The following LRRK1 variants were observed in gnomAD, a reference collection of about 807,000 sequenced individuals.
The protein encoded by LRRK1 is leucine-rich repeat serine/threonine-protein kinase 1.
Under a neutral mutation model 209.1 loss-of-function variants are expected in LRRK1, and 113 were observed. The observed-to-expected ratio is 0.54, with a 90% CI of 0.46 to 0.63. The LOEUF (loss-of-function observed/expected upper bound fraction) is 0.63. LRRK1 is among the 30% of genes least tolerant of loss of function. LRRK1 has a pLI of 0.00. For missense variants in LRRK1, 2,284 were observed against 2,632.2 expected, an observed-to-expected ratio of 0.87 and a Z score of 2.89; for synonymous variants, 1,144 against 1,099.7, an observed-to-expected ratio of 1.04 and a Z score of -0.80.
intron 6 of LRRK1, among the ~76,000 whole-genome samples, chr15:101,004,292 C>T (rs566428734): frequency 1.0e-3 from 156 of 152,262 alleles, no homozygotes; most frequent in African/African-American, 3.5e-3. Context: ...AACTGGGGGG[C>T]TGTCAGGCTG....
At chr15:100,977,661 A>G (rs1431275548) in intron 3 of LRRK1, among the ~76,000 whole-genome samples, 1 of 152,160 alleles carries the variant, frequency 6.6e-6, no homozygotes, top group Non-Finnish European at 1.5e-5. Flanking sequence ...GTGTCAACTG[A>G]TTCTAAGTAC....
chr15:101,075,213 TA>T lies in LRRK1; in HGVS notation c.*6369del, dbSNP rs578144795. 2.4e-4 allele frequency: 10 copies of T among 40,962 alleles called. No homozygotes were observed. Among genetic ancestry groups the T allele is most frequent in the African/African-American group, 1.1e-3 (8 of 7,000 alleles). The allele number at this position is 40,962 out of a possible 1,614,324, so 2.5% of individuals were successfully genotyped here. On this transcript the variant is annotated 3_prime_UTR_variant, in exon 34 of 34. Transcript: ENST00000388948. ...TTGACAGCCAGGCTTCTAAACCTCTTAAAACTCCCCAACTCTGGTGCCAACT... is the reference window on the plus strand; with the variant it reads ...TTGACAGCCAGGCTTCTAAACCTCTTAAACTCCCCAACTCTGGTGCCAACT...
chr15:100,974,026 C>T lies in LRRK1; in HGVS notation c.261+59C>T, dbSNP rs981523280. 5.0e-6 allele frequency: 6 copies of T among 1,208,986 alleles called. No individual in the cohort carries two copies. The African/African-American group carries it at 7.8e-5, about 16-fold the overall frequency. The allele number at this position is 1,208,986 out of a possible 1,614,324, so 74.9% of individuals were successfully genotyped here. A position where few individuals can be genotyped will look rare whatever the true frequency, so the allele number is the denominator to read the frequency against. On this transcript the variant is annotated intron_variant, in intron 3 of 33. Coordinates refer to ENST00000388948, the MANE Select transcript of LRRK1 (RefSeq NM_024652.6). ...CAGCCCCGGGCTGGACGAAGGGGAC[C>T]GCTCAGATGATTTTCTCGTTATTGT...
At chr15:101,060,294 CA>C (rs2036085355) in intron 29 of LRRK1, among the ~76,000 whole-genome samples, 2 of 152,128 alleles carry the variant, frequency 1.3e-5, no homozygotes, top group South Asian at 4.1e-4. Context: ...TTGCAGGGAA[CA>C]GGGGCAATTA....
chr15:100,932,555 A>G (rs748207291), intron 2 of LRRK1, among the ~76,000 whole-genome samples: 35 of 152,186 alleles, frequency 2.3e-4, no homozygotes, highest in Non-Finnish European at 4.7e-4. Context: ...TGGCGGGATC[A>G]CAGAACAAGC....
At chr15:101,015,567 C>T (rs770340040) in intron 12 of LRRK1, among the ~76,000 whole-genome samples, 165 bp downstream of exon 12, 1 of 152,248 alleles carries the variant, frequency 6.6e-6, no homozygotes. Flanking sequence ...ATATGAGCTG[C>T]GCCCATTCTT....
chr15:101,006,014 A>G (rs2032932548), intron 6 of LRRK1, among the ~76,000 whole-genome samples: 1 of 152,252 alleles, frequency 6.6e-6, no homozygotes, highest in Admixed American at 6.5e-5. Context: ...GCAGAAACAC[A>G]GAATTGTCAC....
intron 2 of LRRK1, among the ~76,000 whole-genome samples, chr15:100,957,652 T>C (rs897488669): frequency 3.3e-5 from 5 of 152,254 alleles, no homozygotes; most frequent in African/African-American, 1.2e-4. Context: ...AAATATCTTT[T>C]GTCATTCCTT....
rs778727638 is a variant in LRRK1 at position 101,066,152 on chromosome 15, G to C, written c.5715G>C (p.Gln1905His). 3.1e-6 allele frequency: 5 copies of C among 1,613,658 alleles called. No individual in the cohort carries two copies. In the East Asian group the frequency reaches 1.1e-4, roughly 36 times the overall value. ...LTPMDGETFS[Q>H]HLQAVKILAV... ...CCATGGACGGGGAGACCTTCAGCCAGCACCTGCAGGCCGTGAAGATCCTCG... is the reference window on the plus strand; with the variant it reads ...CCATGGACGGGGAGACCTTCAGCCACCACCTGCAGGCCGTGAAGATCCTCG... Residue 1905 changes from glutamine (Q) to histidine (H), a missense_variant, in exon 32 of 34, where the codon CAG (glutamine) becomes CAC (histidine). Physicochemically the swap from Gln to His is conservative, Grantham distance 24. Around this residue, in one of 6 missense-constraint regions of LRRK1, gnomAD observed 643 missense variants for 695.9 expected, o/e 0.92. Transcript: ENST00000388948.
chr15:100,933,454 G>T (rs1177749677), intron 2 of LRRK1, among the ~76,000 whole-genome samples: 1 of 151,892 alleles, frequency 6.6e-6, no homozygotes, highest in African/African-American at 2.4e-5. Context: ...TGTTTTTCTG[G>T]AACTCCTATT....
chr15:101,055,905 T>C (rs2035767705), intron 27 of LRRK1, among the ~76,000 whole-genome samples: 2 of 152,234 alleles, frequency 1.3e-5, no homozygotes, highest in South Asian at 4.1e-4. Flanking sequence ...TAATTTCTTA[T>C]TATCTGGTGA....
intron 6 of LRRK1, among the ~76,000 whole-genome samples, chr15:101,007,929 T>C (rs552566486): frequency 2.0e-5 from 3 of 152,028 alleles, no homozygotes; most frequent in Non-Finnish European, 4.4e-5. Flanking sequence ...GGTGGGTGGA[T>C]TGCCCGAGGT....
rs1304950127 is a variant in LRRK1 at position 101,029,166 on chromosome 15, A to T, written c.2897A>T (p.Gln966Leu). The T allele has an allele frequency of 6.2e-7, 1 of 1,614,204 alleles. No individual in the cohort carries two copies. The highest frequency in any genetic ancestry group is 2.2e-5 in the East Asian group (1 of 44,880). ...MLLVGTGFTQ[Q>L]TEEQYFQFLA... ...CTGGTGGGGACTGGCTTCACGCAGCAGACGGAAGAGCAGTACTTCCAGTTC... is the reference window on the plus strand; with the variant it reads ...CTGGTGGGGACTGGCTTCACGCAGCTGACGGAAGAGCAGTACTTCCAGTTC... The change falls in exon 20 of 34, where the codon CAG (glutamine) becomes CTG (leucine). Residue 966 changes from glutamine to leucine, a missense_variant. Coordinates refer to ENST00000388948, the MANE Select transcript of LRRK1 (RefSeq NM_024652.6).
chr15:101,045,962 C>A lies in LRRK1; in HGVS notation c.2964-19C>A. On this transcript the variant is annotated intron_variant, in intron 20 of 33. Coordinates refer to ENST00000388948, the MANE Select transcript of LRRK1 (RefSeq NM_024652.6). ...AGCTTGGGCCCCACTGTTCACCAGT[C>A]CCCCTTGGTGTGTTTCAGCTACCTC... is the stretch of plus-strand genomic sequence containing the variant. 6.2e-7 allele frequency: 1 copy of A among 1,611,814 alleles called. No homozygotes were observed. The highest frequency in any genetic ancestry group is 8.5e-7 in the Non-Finnish European group (1 of 1,178,066).
intron 10 of LRRK1, among the ~76,000 whole-genome samples, chr15:101,012,835 C>T (rs1311963273): frequency 1.3e-5 from 2 of 152,090 alleles, no homozygotes; most frequent in South Asian, 2.1e-4. Context: ...AAGCACAGGG[C>T]AAAGCCAGGG....
intron 25 of LRRK1, 26 bp from the exon 26 acceptor site, chr15:101,053,197 G>A (rs1275378742): frequency 6.2e-7 from 1 of 1,600,076 alleles, no homozygotes; most frequent in South Asian, 1.1e-5. Flanking sequence ...ATGTCCTACT[G>A]GCTGACACTG....
chr15:101,055,041 T>A lies in LRRK1; in HGVS notation c.4150T>A (p.Phe1384Ile), dbSNP rs1183240932. 2.5e-6 allele frequency: 4 copies of A among 1,614,182 alleles called. No homozygotes were observed. In the South Asian group the frequency reaches 3.3e-5, roughly 13 times the overall value. The change falls in exon 27 of 34, where the codon TTC (phenylalanine) becomes ATC (isoleucine). Residue 1384 changes from phenylalanine to isoleucine, a missense_variant. Around this residue, in one of 6 missense-constraint regions of LRRK1, gnomAD observed 780 missense variants for 985.2 expected, o/e 0.79. Transcript: ENST00000388948. ...CTACCTGCACAAGAAAAACATCATC[T>A]TCTGTGACCTGAAGTCGGACAACAT... ...LAYLHKKNII[F>I]CDLKSDNILV... is the part of the protein sequence containing the mutation.
chr15:101,019,242 T>G (rs968832514), intron 12 of LRRK1, among the ~76,000 whole-genome samples: 1 of 152,196 alleles, frequency 6.6e-6, no homozygotes, highest in Non-Finnish European at 1.5e-5. Flanking sequence ...AGCGAAACTT[T>G]AAAAGTTTGG....
At chr15:100,973,476 T>A (rs2031071435) in intron 2 of LRRK1, among the ~76,000 whole-genome samples, 1 of 152,126 alleles carries the variant, frequency 6.6e-6, no homozygotes, top group Non-Finnish European at 1.5e-5. Flanking sequence ...CCAAAGCCCC[T>A]GCGCCTCCGC....
Sources: gnomAD v4.1 joint callset for allele counts (sites outside exome capture counted in the v4.1 genomes callset) on GRCh38, gnomAD v4.1.1 for gene constraint, gnomAD v4.1.1 regional missense constraint, MANE v1.5 for transcripts, NCBI Gene and HGNC (gene_info 2026-07-23, HGNC 2026-07-21) for gene names.